The following MIPOL1 variants were observed in gnomAD, a reference collection of about 807,000 sequenced individuals.
The protein encoded by MIPOL1 is mirror-image polydactyly gene 1 protein.
A neutral mutation model predicts 60.9 loss-of-function variants in MIPOL1; 57 were observed. The observed-to-expected ratio is 0.94, with a 90% CI of 0.76 to 1.17. The LOEUF (loss-of-function observed/expected upper bound fraction) is 1.17. Among genes scored for constraint, MIPOL1 ranks in the 50% most tolerant of loss-of-function variants. MIPOL1 has a pLI of 0.00. For synonymous variants in MIPOL1, 179 were observed against 168.8 expected, an observed-to-expected ratio of 1.06 and a Z score of -0.47; for missense variants, 551 against 511.6, an observed-to-expected ratio of 1.08 and a Z score of -0.74.
chr14:37,435,172 G>C (rs899252774), intron 11 of MIPOL1, among the ~76,000 whole-genome samples: 1 of 151,958 alleles, frequency 6.6e-6, no homozygotes, highest in African/African-American at 2.4e-5. Flanking sequence ...ATATACTCTG[G>C]CCCCTGGCTA....
At chr14:37,489,955 G>A (rs1490092431) in intron 11 of MIPOL1, among the ~76,000 whole-genome samples, 3 of 152,170 alleles carry the variant, frequency 2.0e-5, no homozygotes, top group African/African-American at 7.2e-5. Flanking sequence ...GAGGCAGTCT[G>A]ACCCTTAGCA....
chr14:37,312,637 C>T (rs1021094774), intron 9 of MIPOL1, among the ~76,000 whole-genome samples: 4 of 151,900 alleles, frequency 2.6e-5, no homozygotes, highest in African/African-American at 9.7e-5. Context: ...CAGATAAATC[C>T]TTATACTCTT....
intron 6 of MIPOL1, among the ~76,000 whole-genome samples, chr14:37,282,747 CA>C (rs59301708): frequency 9.0e-4 from 61 of 67,886 alleles, no homozygotes; most frequent in African/African-American, 3.3e-3. Flanking sequence ...GACCCTGTCT[CA>C]AAAAAAAAAA....
At chr14:37,211,349 C>G (rs1473620900) in intron 1 of MIPOL1, among the ~76,000 whole-genome samples, 1 of 152,148 alleles carries the variant, frequency 6.6e-6, no homozygotes, top group East Asian at 1.9e-4. Context: ...AAGTCACTGC[C>G]ACTGCTTCCC....
intron 11 of MIPOL1, among the ~76,000 whole-genome samples, chr14:37,486,858 C>T (rs959948361): frequency 2.0e-5 from 3 of 151,090 alleles, no homozygotes; most frequent in African/African-American, 7.3e-5. Context: ...CTTCCAATAA[C>T]ACCAATAATA....
chr14:37,314,275 A>G (rs1303171238), intron 9 of MIPOL1, among the ~76,000 whole-genome samples: 1 of 152,164 alleles, frequency 6.6e-6, no homozygotes, highest in Non-Finnish European at 1.5e-5. Context: ...ATTGATAGAA[A>G]ACCCATGGAA....
chr14:37,328,622 C>G (rs1269639600), intron 9 of MIPOL1, among the ~76,000 whole-genome samples: 1 of 152,130 alleles, frequency 6.6e-6, no homozygotes, highest in African/African-American at 2.4e-5. Context: ...TAATTGCTAA[C>G]TCTGAATTCT....
chr14:37,511,350 A>G (rs2153623773), intron 12 of MIPOL1, among the ~76,000 whole-genome samples: 1 of 152,284 alleles, frequency 6.6e-6, no homozygotes, highest in South Asian at 2.1e-4. Flanking sequence ...TGAATAGCCC[A>G]TTGTGATTTA....
chr14:37,357,924 T>G (rs1171956874), intron 9 of MIPOL1, among the ~76,000 whole-genome samples: 1 of 152,154 alleles, frequency 6.6e-6, no homozygotes, highest in African/African-American at 2.4e-5. Flanking sequence ...TGTGCCATGA[T>G]GGTTTGCTGC....
chr14:37,443,256 T>C (rs1239166460), intron 11 of MIPOL1, among the ~76,000 whole-genome samples: 1 of 151,838 alleles, frequency 6.6e-6, no homozygotes, highest in Non-Finnish European at 1.5e-5. Flanking sequence ...ACCAGGAGTT[T>C]GAGACCAGTC....
chr14:37,432,173 T>C (rs2094083004), intron 11 of MIPOL1, among the ~76,000 whole-genome samples: 1 of 152,202 alleles, frequency 6.6e-6, no homozygotes, highest in Non-Finnish European at 1.5e-5. Context: ...ACAGCTATTC[T>C]ATTAATCCTT....
At chr14:37,282,693 A>G (rs961098677) in intron 6 of MIPOL1, among the ~76,000 whole-genome samples, 11 of 137,400 alleles carry the variant, frequency 8.0e-5, no homozygotes, top group African/African-American at 3.0e-4. Context: ...AGGCTGCAGT[A>G]AGGTGTAATT....
chr14:37,231,366 G>A (rs780881860), intron 1 of MIPOL1, among the ~76,000 whole-genome samples: 8 of 152,166 alleles, frequency 5.3e-5, no homozygotes, highest in Non-Finnish European at 1.0e-4. Context: ...GGGATTACAG[G>A]CATGAGCCAC....
At chr14:37,534,109 G>A (rs796779546) in intron 12 of MIPOL1, among the ~76,000 whole-genome samples, 191 of 149,264 alleles carry the variant, frequency 1.3e-3, no homozygotes, top group African/African-American at 4.6e-3. Flanking sequence ...AGAAAAAGAA[G>A]AAGAAGATGA....
chr14:37,491,285 T>C (rs1459358099), intron 11 of MIPOL1, among the ~76,000 whole-genome samples: 1 of 152,176 alleles, frequency 6.6e-6, no homozygotes, highest in African/African-American at 2.4e-5. Flanking sequence ...TCCCAGCACT[T>C]TGAGAGGCCG....
At chr14:37,350,576 C>A (rs1348741066) in intron 9 of MIPOL1, among the ~76,000 whole-genome samples, 1 of 152,100 alleles carries the variant, frequency 6.6e-6, no homozygotes. Flanking sequence ...CATTGTGTTA[C>A]AAACAATCAG....
intron 6 of MIPOL1, among the ~76,000 whole-genome samples, chr14:37,273,862 A>G (rs893891292): frequency 6.6e-6 from 1 of 151,634 alleles, no homozygotes; most frequent in African/African-American, 2.4e-5. Context: ...ATGTAAGGAC[A>G]TGGTATATAA....
intron 11 of MIPOL1, among the ~76,000 whole-genome samples, chr14:37,447,467 AAGAT>A (rs1297225116): frequency 6.6e-6 from 1 of 152,154 alleles, no homozygotes; most frequent in Non-Finnish European, 1.5e-5. Context: ...TATCTTCAAA[AAGAT>A]AGAACCAAAT....
intron 1 of MIPOL1, among the ~76,000 whole-genome samples, chr14:37,214,550 A>G (rs1967258303): frequency 6.6e-6 from 1 of 152,190 alleles, no homozygotes; most frequent in Non-Finnish European, 1.5e-5. Flanking sequence ...CTAGATATAG[A>G]TCATAGATAT....
Sources: allele counts gnomAD v4.1 joint callset (sites outside exome capture counted in the v4.1 genomes callset), GRCh38; gene constraint gnomAD v4.1.1; transcripts MANE v1.5; gene names NCBI Gene and HGNC (gene_info 2026-07-23, HGNC 2026-07-21).